The following WDFY3 variants were observed in gnomAD, a reference collection of about 807,000 sequenced individuals.
WDFY3 encodes WD repeat and FYVE domain-containing protein 3.
WDFY3 carries 66 observed loss-of-function variants against 409.6 expected under a neutral mutation model. The observed-to-expected ratio is 0.16, with a 90% CI of 0.13 to 0.20. The LOEUF (loss-of-function observed/expected upper bound fraction) is 0.20, where lower values mean the gene tolerates loss of function less well. Ranked by LOEUF, WDFY3 falls within the 10% of genes least tolerant of loss-of-function variation. The pLI is 1.00. For synonymous variants in WDFY3, 1,521 were observed against 1,537.1 expected (o/e 0.99, Z 0.25); for missense variants, 3,031 against 4,298.1 (o/e 0.71, Z 8.24).
chr4:84,903,924 T>TGCCC (rs1299841441), intron 2 of WDFY3, among the ~76,000 whole-genome samples: 6 of 152,192 alleles, frequency 3.9e-5, no homozygotes, highest in Admixed American at 6.5e-5. Context: ...CCCGCCTGCC[T>TGCCC]GCCCGCCTGC....
At chr4:84,764,588 G>A (rs1409415537) in intron 32 of WDFY3, among the ~76,000 whole-genome samples, 3 of 152,122 alleles carry the variant, frequency 2.0e-5, no homozygotes, top group Non-Finnish European at 4.4e-5. Flanking sequence ...ATGGCTGGGT[G>A]CAGTGGCTCA....
chr4:84,765,736 A>T, intron 32 of WDFY3, 74 bp downstream of exon 32: 1 of 1,290,332 alleles, frequency 7.7e-7, no homozygotes, highest in Non-Finnish European at 1.1e-6. Flanking sequence ...GCAGAGGATA[A>T]GTTTACATAA....
Position 84,880,698 on chromosome 4 carries a change from T to C in WDFY3, c.-32+16213A>G, listed in dbSNP as rs1369925191. Among the ~76,000 whole-genome samples the C allele has an allele frequency of 5.2e-5, 5 of 96,108 alleles. No individual in the cohort carries two copies. The East Asian group carries it at 9.1e-4, about 17-fold the overall frequency. The allele number at this position is 96,108 out of a possible 152,430, so 63.1% of individuals were successfully genotyped here. A position where few individuals can be genotyped will look rare whatever the true frequency, so the allele number is the denominator to read the frequency against. On this transcript the variant is annotated intron_variant, in intron 3 of 67. Transcript: ENST00000295888. The stretch of plus-strand genomic sequence containing the variant: ...ACATATATATATATATATATATATA[T>C]ATATATATATATATATATATATATA...
In WDFY3 at chr4:84,741,741, T is replaced by C. The variant is rs1210331805; in HGVS notation, c.6234+20A>G. 2 of 1,589,382 alleles carry C rather than the reference T, an allele frequency of 1.3e-6. No individual in the cohort carries two copies. The highest frequency in any genetic ancestry group is 2.3e-5 in the East Asian group (1 of 44,430). On this transcript the variant is annotated intron_variant, in intron 38 of 67. Coordinates refer to ENST00000295888, the MANE Select transcript of WDFY3 (RefSeq NM_014991.6). ...AACAGGAAAACATGTACTCTACAAC[T>C]GATAGTGACAATGGATTACCTGTGC...
At chr4:84,804,349 A>G (rs914609299) in intron 15 of WDFY3, among the ~76,000 whole-genome samples, 1 of 152,214 alleles carries the variant, frequency 6.6e-6, no homozygotes, top group Non-Finnish European at 1.5e-5. Flanking sequence ...AGAGCAATGC[A>G]GTTTTAGCTC....
intron 33 of WDFY3, 87 bp downstream of exon 33, chr4:84,756,839 C>T (rs1273014406): frequency 7.6e-7 from 1 of 1,311,476 alleles, no homozygotes; most frequent in South Asian, 1.5e-5. Context: ...ATGGAATTGA[C>T]AGTTGGTTTT....
At chr4:84,886,779 C>A (rs1764291418) in intron 3 of WDFY3, among the ~76,000 whole-genome samples, 1 of 152,260 alleles carries the variant, frequency 6.6e-6, no homozygotes. Flanking sequence ...GACAAACCTA[C>A]CCATGGTCTC....
Position 84,671,279 on chromosome 4 carries a change from T to C in WDFY3, c.*1589A>G, listed in dbSNP as rs755815599. On this transcript the variant is annotated 3_prime_UTR_variant, in exon 68 of 68. Coordinates refer to ENST00000295888, the MANE Select transcript of WDFY3 (RefSeq NM_014991.6). ...CTCACCAGGGCCTAAAGATGGAAAA[T>C]TGGAAAAGCCAAAGCCGCTGTCCTT... 1.3e-5 allele frequency: 2 copies of C among 152,430 alleles called. No individual in the cohort carries two copies. Among genetic ancestry groups the C allele is most frequent in the East Asian group, 1.9e-4 (1 of 5,170 alleles). 9.4% of individuals were successfully genotyped at this position (152,430 alleles called of 1,614,324 possible).
chr4:84,720,460 C>A (rs1050045173), intron 47 of WDFY3, among the ~76,000 whole-genome samples: 3 of 152,150 alleles, frequency 2.0e-5, no homozygotes, highest in Admixed American at 6.5e-5. Context: ...TGTGTCCCCT[C>A]CACATCTCAT....
At chr4:84,760,196 T>A (rs1300549193) in intron 32 of WDFY3, among the ~76,000 whole-genome samples, 3 of 152,060 alleles carry the variant, frequency 2.0e-5, no homozygotes, top group Non-Finnish European at 2.9e-5. Context: ...TGCTGCTGGA[T>A]TCGGTTTGCC....
intron 35 of WDFY3, 87 bp downstream of exon 35, chr4:84,753,610 A>G: frequency 7.3e-7 from 1 of 1,365,278 alleles, no homozygotes; most frequent in Non-Finnish European, 9.6e-7. Context: ...AAAGACTGTC[A>G]AAAAAAATCT....
intron 22 of WDFY3, among the ~76,000 whole-genome samples, chr4:84,789,037 A>AAAAAT (rs778942476): frequency 1.8e-4 from 27 of 152,198 alleles, no homozygotes; most frequent in East Asian, 3.9e-4. Flanking sequence ...GAAAAACAAT[A>AAAAAT]AAAATAAAAT....
At chr4:84,831,997 C>G (rs547052489) in intron 7 of WDFY3, among the ~76,000 whole-genome samples, 21 of 152,006 alleles carry the variant, frequency 1.4e-4, no homozygotes, top group Non-Finnish European at 2.8e-4. Context: ...GGGTATATAT[C>G]CAAAGGAAAT....
At position 84,705,330 on chromosome 4, in the gene WDFY3, C is replaced by T. The variant is rs142185623; in HGVS notation, c.8335+64G>A. ...GAAGGAGGATGTAGGAATGTCAGACCGCTACATAATGACTTACTTTTGAAA... is the reference window on the plus strand; with the variant it reads ...GAAGGAGGATGTAGGAATGTCAGACTGCTACATAATGACTTACTTTTGAAA... On this transcript the variant is annotated intron_variant, in intron 54 of 67. Coordinates refer to ENST00000295888, the MANE Select transcript of WDFY3 (RefSeq NM_014991.6). 347 of 1,280,620 alleles carry T rather than the reference C, an allele frequency of 2.7e-4. 4 individuals carry two copies. The South Asian group carries it at 3.6e-3, about 13-fold the overall frequency. The allele number at this position is 1,280,620 out of a possible 1,614,324, so 79.3% of individuals were successfully genotyped here.
intron 2 of WDFY3, among the ~76,000 whole-genome samples, 175 bp from the exon 3 acceptor site, chr4:84,897,185 T>A (rs1413445839): frequency 1.3e-5 from 2 of 152,172 alleles, no homozygotes; most frequent in African/African-American, 4.8e-5. Flanking sequence ...GAAGCCACAC[T>A]CTGTTCAAAT....
intron 34 of WDFY3, among the ~76,000 whole-genome samples, chr4:84,754,437 G>A (rs938250291): frequency 6.6e-6 from 1 of 152,104 alleles, no homozygotes; most frequent in Admixed American, 6.5e-5. Flanking sequence ...GCACCAAAAC[G>A]AGACTCCTAA....
intron 4 of WDFY3, among the ~76,000 whole-genome samples, chr4:84,859,254 A>G (rs1760207410): frequency 6.6e-6 from 1 of 152,196 alleles, no homozygotes; most frequent in Non-Finnish European, 1.5e-5. Context: ...GTCAGTAGAG[A>G]GCAAACACTG....
chr4:84,806,904 C>T (rs1044512975), intron 15 of WDFY3, among the ~76,000 whole-genome samples: 1 of 152,130 alleles, frequency 6.6e-6, no homozygotes, highest in Non-Finnish European at 1.5e-5. Flanking sequence ...GCCACCGCAC[C>T]TGGCCCTGAT....
At chr4:84,871,949 T>C (rs1762186025) in intron 3 of WDFY3, among the ~76,000 whole-genome samples, 2 of 152,222 alleles carry the variant, frequency 1.3e-5, no homozygotes, top group Admixed American at 6.5e-5. Flanking sequence ...TTATTCCTAA[T>C]TGATGTAAAA....
Sources: allele counts gnomAD v4.1 joint callset (sites outside exome capture counted in the v4.1 genomes callset), GRCh38; gene constraint gnomAD v4.1.1; transcripts MANE v1.5; gene names NCBI Gene and HGNC (gene_info 2026-07-23, HGNC 2026-07-21).